The following PRIMA1 variants were observed in gnomAD, a reference collection of about 807,000 sequenced individuals.
The protein encoded by PRIMA1 is proline rich membrane anchor 1, also known as proline-rich membrane anchor 1.
A neutral mutation model predicts 17.5 loss-of-function variants in PRIMA1; 7 were observed. The observed-to-expected ratio is 0.40, with a 90% confidence interval of 0.23 to 0.75. The LOEUF is 0.75. Among genes scored for constraint, PRIMA1 ranks in the 30% least tolerant of loss-of-function variants. The pLI is 0.37. For synonymous variants in PRIMA1, 97 were observed against 77.9 expected (o/e 1.25, Z -1.29); for missense variants, 200 against 201.8 (o/e 0.99, Z 0.05).
intron 3 of PRIMA1, among the ~76,000 whole-genome samples, chr14:93,755,234 A>G (rs1209807561): frequency 3.9e-5 from 6 of 152,132 alleles, no homozygotes. Flanking sequence ...GTGTGTGTAT[A>G]TATGTATCCT....
chr14:93,758,900 G>A (rs978699902), intron 3 of PRIMA1, among the ~76,000 whole-genome samples: 4 of 152,098 alleles, frequency 2.6e-5, no homozygotes, highest in South Asian at 2.1e-4. Flanking sequence ...AAAGACAATC[G>A]GCAATGCTAC....
At chr14:93,751,265 C>T (rs1427611018) in intron 3 of PRIMA1, among the ~76,000 whole-genome samples, 1 of 152,220 alleles carries the variant, frequency 6.6e-6, no homozygotes, top group African/African-American at 2.4e-5. Flanking sequence ...GCATCCTCCA[C>T]CAGTAACTGA....
intron 4 of PRIMA1, among the ~76,000 whole-genome samples, chr14:93,734,061 C>T (rs372094860): frequency 9.9e-5 from 15 of 152,136 alleles, no homozygotes; most frequent in Admixed American, 5.9e-4. Context: ...AACACAGTCC[C>T]CTCTTGTCAT....
intron 3 of PRIMA1, among the ~76,000 whole-genome samples, chr14:93,744,713 G>C (rs2076205863): frequency 6.6e-6 from 1 of 152,118 alleles, no homozygotes; most frequent in African/African-American, 2.4e-5. Flanking sequence ...CAGGCTTCTG[G>C]GTTTAGCATG....
intron 3 of PRIMA1, among the ~76,000 whole-genome samples, chr14:93,771,149 TGTGC>T (rs1267518220): frequency 2.6e-5 from 4 of 151,966 alleles, no homozygotes; most frequent in African/African-American, 7.3e-5. Flanking sequence ...TATGTGTGTG[TGTGC>T]GCATGTATGT....
chr14:93,768,930 C>T (rs565913375), intron 3 of PRIMA1, among the ~76,000 whole-genome samples: 24 of 151,436 alleles, frequency 1.6e-4, no homozygotes, highest in South Asian at 1.5e-3. Flanking sequence ...CTCAGACTCC[C>T]GAGTAGCTGA....
chr14:93,753,464 T>C (rs904523851), intron 3 of PRIMA1, among the ~76,000 whole-genome samples: 1 of 152,110 alleles, frequency 6.6e-6, no homozygotes, highest in Non-Finnish European at 1.5e-5. Flanking sequence ...GGATAGGGGG[T>C]AGGCCAACAT....
At chr14:93,729,372 G>A (rs1407366473) in intron 4 of PRIMA1, among the ~76,000 whole-genome samples, 2 of 152,176 alleles carry the variant, frequency 1.3e-5, no homozygotes, top group African/African-American at 4.8e-5. Context: ...CTACAGGTAC[G>A]CATGTGAACA....
At chr14:93,768,731 C>G (rs1024132382) in intron 3 of PRIMA1, among the ~76,000 whole-genome samples, 31 of 151,892 alleles carry the variant, frequency 2.0e-4, no homozygotes, top group Non-Finnish European at 1.5e-5. Flanking sequence ...AATAAATAAA[C>G]AGAAGACTGA....
intron 3 of PRIMA1, among the ~76,000 whole-genome samples, chr14:93,747,844 AGT>A (rs774438773): frequency 8.4e-5 from 12 of 143,036 alleles, no homozygotes; most frequent in African/African-American, 1.9e-4. Flanking sequence ...AGAGTGTATG[AGT>A]GTGTGTATGA....
intron 2 of PRIMA1, 144 bp downstream of exon 2, chr14:93,787,482 A>C: frequency 8.6e-7 from 1 of 1,162,278 alleles, no homozygotes; most frequent in Admixed American, 2.1e-5. Flanking sequence ...GGTATAGGGG[A>C]CCGTAGCAGC....
chr14:93,731,731 CAGG>C (rs144873153), intron 4 of PRIMA1, among the ~76,000 whole-genome samples: 13 of 152,292 alleles, frequency 8.5e-5, no homozygotes, highest in South Asian at 2.1e-4. Flanking sequence ...CCTCCTCCAG[CAGG>C]AGGAGAACAG....
Position 93,721,530 on chromosome 14 carries a change from CTT to C in PRIMA1, c.374_375del (p.Lys125ArgfsTer9). 1 of 1,613,410 alleles carries C rather than the reference CTT, an allele frequency of 6.2e-7. No homozygotes were observed. Among genetic ancestry groups the C allele is most frequent in the Non-Finnish European group, 8.5e-7 (1 of 1,179,652 alleles). ...TCAGCAACGCTGGTGCCATTTTCGT[CTT>C]TTCTCAGTGGTTTCCTGGAAGTGGG... ...YKAIKRKPLR[K>X]DENGTSVAEY... On this transcript the variant is annotated frameshift_variant, in exon 5 of 5. Coordinates refer to ENST00000393140, the MANE Select transcript of PRIMA1 (RefSeq NM_178013.4). LOFTEE classifies it high-confidence loss of function.
At chr14:93,730,753 T>G (rs1385837225) in intron 4 of PRIMA1, among the ~76,000 whole-genome samples, 3 of 152,184 alleles carry the variant, frequency 2.0e-5, no homozygotes, top group Non-Finnish European at 4.4e-5. Flanking sequence ...GTGTAAATCC[T>G]AAAAAGAAAA....
chr14:93,783,344 G>C (rs975138289), intron 2 of PRIMA1, among the ~76,000 whole-genome samples: 3 of 152,206 alleles, frequency 2.0e-5, no homozygotes, highest in African/African-American at 7.2e-5. Flanking sequence ...ATGTACCACA[G>C]TTGCCCAAGG....
intron 3 of PRIMA1, among the ~76,000 whole-genome samples, chr14:93,761,725 C>T (rs1415165421): frequency 6.6e-6 from 1 of 152,186 alleles, no homozygotes; most frequent in Non-Finnish European, 1.5e-5. Context: ...CACCCTCTCC[C>T]ACAGCATCTG....
chr14:93,771,075 T>C (rs867195209), intron 3 of PRIMA1, among the ~76,000 whole-genome samples: 1 of 141,830 alleles, frequency 7.1e-6, no homozygotes, highest in African/African-American at 3.1e-5. Context: ...TGTGTGCATG[T>C]ATGTGTGTAC....
At chr14:93,767,305 C>T (rs960277998) in intron 3 of PRIMA1, among the ~76,000 whole-genome samples, 3 of 152,190 alleles carry the variant, frequency 2.0e-5, no homozygotes, top group Non-Finnish European at 4.4e-5. Flanking sequence ...TCCCATTTTA[C>T]AGATCAGGAA....
chr14:93,728,710 G>A (rs1442833648), intron 4 of PRIMA1, among the ~76,000 whole-genome samples: 2 of 152,148 alleles, frequency 1.3e-5, no homozygotes, highest in Non-Finnish European at 2.9e-5. Context: ...CAAGAAGCAG[G>A]GATCCGTCTG....
Sources: allele counts gnomAD v4.1 joint callset (sites outside exome capture counted in the v4.1 genomes callset), GRCh38; gene constraint gnomAD v4.1.1; transcripts MANE v1.5; gene names NCBI Gene and HGNC (gene_info 2026-07-23, HGNC 2026-07-21).